The following ZBTB20 variants were observed in gnomAD, a reference collection of about 807,000 sequenced individuals.
ZBTB20 encodes zinc finger and BTB domain-containing protein 20.
ZBTB20 carries 9 observed loss-of-function variants against 56.9 expected under a neutral mutation model. That is an observed-to-expected ratio of 0.16 (90% confidence interval 0.10 to 0.28). The LOEUF is 0.28. ZBTB20 is among the 10% of genes least tolerant of loss of function. The pLI, the probability that ZBTB20 is intolerant of heterozygous loss-of-function variation, is 1.00. For missense variants in ZBTB20, 655 were observed against 1,003.0 expected (o/e 0.65, Z 4.69); for synonymous variants, 417 against 420.7 (o/e 0.99, Z 0.11).
At chr3:115,101,074 T>C (rs2083566458) in intron 1 of ZBTB20, among the ~76,000 whole-genome samples, 1 of 152,362 alleles carries the variant, frequency 6.6e-6, no homozygotes, top group East Asian at 1.9e-4. Context: ...TGGCTTCTCA[T>C]TTAAAGCATC....
intron 6 of ZBTB20, among the ~76,000 whole-genome samples, chr3:114,575,523 C>T (rs1435213499): frequency 6.6e-6 from 1 of 151,578 alleles, no homozygotes; most frequent in Non-Finnish European, 1.5e-5. Flanking sequence ...ATCCAATTTT[C>T]CCAGCAAATT....
In ZBTB20 at chr3:114,918,898, G is replaced by C. The variant is rs879517589; in HGVS notation, c.-455-18556C>G. Among the ~76,000 whole-genome samples the C allele has an allele frequency of 5.9e-5, 9 of 152,318 alleles. No individual in the cohort carries two copies. The East Asian group carries it at 1.5e-3, about 26-fold the overall frequency. On this transcript the variant is annotated intron_variant, in intron 3 of 11. Transcript: ENST00000675478. ...TGTCTCACTAGGTCATATGACCCCT[G>C]CATCCACTGGCTCCAAGCCTAGCAG...
intron 5 of ZBTB20, among the ~76,000 whole-genome samples, chr3:114,705,134 T>C (rs926250259): frequency 4.6e-5 from 7 of 152,154 alleles, no homozygotes; most frequent in Non-Finnish European, 8.8e-5. Context: ...AAGACCCATG[T>C]TTTTCTCACT....
chr3:115,012,198 G>A (rs897840803), intron 2 of ZBTB20, among the ~76,000 whole-genome samples: 3 of 151,624 alleles, frequency 2.0e-5, no homozygotes, highest in African/African-American at 7.2e-5. Flanking sequence ...AAAATGGCGG[G>A]AGTAAGTTCT....
chr3:114,464,281 T>C (rs1218875920), intron 7 of ZBTB20, among the ~76,000 whole-genome samples: 1 of 152,250 alleles, frequency 6.6e-6, no homozygotes, highest in Admixed American at 6.5e-5. Flanking sequence ...AAAAAACATA[T>C]ACATTGGGCC....
At chr3:114,927,293 G>A (rs1000819242) in intron 3 of ZBTB20, among the ~76,000 whole-genome samples, 2 of 152,098 alleles carry the variant, frequency 1.3e-5, no homozygotes, top group African/African-American at 4.8e-5. Flanking sequence ...CTTACGAACC[G>A]AACCAATGTT....
At chr3:114,737,760 T>C (rs142636793) in intron 5 of ZBTB20, among the ~76,000 whole-genome samples, 5 of 152,206 alleles carry the variant, frequency 3.3e-5, no homozygotes, top group Admixed American at 3.3e-4. Context: ...AAGACATGGG[T>C]AGAAATATTT....
chr3:114,722,386 C>T (rs1179879290), intron 5 of ZBTB20, among the ~76,000 whole-genome samples: 1 of 152,090 alleles, frequency 6.6e-6, no homozygotes, highest in Non-Finnish European at 1.5e-5. Flanking sequence ...AAATCTGCAA[C>T]CCCTTTCTCT....
chr3:114,416,048 T>C (rs748470962), intron 7 of ZBTB20, among the ~76,000 whole-genome samples: 4 of 152,082 alleles, frequency 2.6e-5, no homozygotes, highest in African/African-American at 9.7e-5. Flanking sequence ...TCTGCTTCCA[T>C]TGCAGTCACC....
chr3:114,930,001 A>G (rs1046523061), intron 3 of ZBTB20, among the ~76,000 whole-genome samples: 1 of 152,256 alleles, frequency 6.6e-6, no homozygotes, highest in Non-Finnish European at 1.5e-5. Context: ...AATGAATAAG[A>G]GTACAACAGA....
intron 4 of ZBTB20, among the ~76,000 whole-genome samples, chr3:114,812,147 T>C (rs1386543965): frequency 6.6e-6 from 1 of 152,148 alleles, no homozygotes; most frequent in Admixed American, 6.5e-5. Context: ...TTCCACAGTG[T>C]GGAAGTGGAC....
rs949840865 is a variant in ZBTB20, at chr3:114,543,268, GT to G, written c.-294-42878del. Among the ~76,000 whole-genome samples, 44 of 143,066 alleles carry G rather than the reference GT, an allele frequency of 3.1e-4. No homozygotes were observed. The South Asian group carries it at 8.6e-3, about 28-fold the overall frequency. 93.9% of individuals were successfully genotyped at this position (143,066 alleles called of 152,430 possible). On this transcript the variant is annotated intron_variant, in intron 6 of 11. Transcript: ENST00000675478. Reference sequence around the variant, plus strand: ...TTTTGGTATATTGTTATTTTTTATTGTTTTTTTTCCAAATATTTTTGATGTG... The same window carrying G: ...TTTTGGTATATTGTTATTTTTTATTGTTTTTTTCCAAATATTTTTGATGTG...
intron 6 of ZBTB20, among the ~76,000 whole-genome samples, chr3:114,604,593 G>A (rs2222366): frequency 6.6e-6 from 1 of 151,870 alleles, no homozygotes; most frequent in Non-Finnish European, 1.5e-5. Context: ...GAACAGCATA[G>A]CAATGATAAA....
chr3:114,608,917 T>G (rs1308333072), intron 6 of ZBTB20, among the ~76,000 whole-genome samples: 3 of 152,210 alleles, frequency 2.0e-5, no homozygotes, highest in Admixed American at 1.3e-4. Flanking sequence ...ATAATGATTT[T>G]TAAAAAGTAA....
intron 6 of ZBTB20, among the ~76,000 whole-genome samples, chr3:114,650,756 C>A (rs1435324579): frequency 6.6e-6 from 1 of 151,790 alleles, no homozygotes; most frequent in Non-Finnish European, 1.5e-5. Context: ...CCATTATATT[C>A]CTCTGTGCTA....
intron 7 of ZBTB20, among the ~76,000 whole-genome samples, chr3:114,458,888 T>C (rs1266302914): frequency 6.6e-6 from 1 of 152,194 alleles, no homozygotes; most frequent in Admixed American, 6.5e-5. Context: ...TTTGAAATAC[T>C]GTGCCTGCAT....
rs754685839 is a variant in ZBTB20, at chr3:114,325,552, T to C, written c.*13453A>G. ...AATCTTTAATCACAAAGAAGTATAG[T>C]TAACTTACTAATTCTTTGAATTGTA... On this transcript the variant is annotated 3_prime_UTR_variant, in exon 12 of 12. Transcript: ENST00000675478. 1.4e-4 allele frequency: 21 copies of C among 152,184 alleles called. No individual in the cohort carries two copies. Among genetic ancestry groups the C allele is most frequent in the Non-Finnish European group, 2.6e-4 (18 of 68,028 alleles). 9.4% of individuals were successfully genotyped at this position (152,184 alleles called of 1,614,324 possible). A position where few individuals can be genotyped will look rare whatever the true frequency, so the allele number is the denominator to read the frequency against.
At chr3:114,760,679 A>G (rs1485698195) in intron 5 of ZBTB20, among the ~76,000 whole-genome samples, 1 of 152,220 alleles carries the variant, frequency 6.6e-6, no homozygotes, top group Non-Finnish European at 1.5e-5. Flanking sequence ...AAAAGCATGC[A>G]GCATCTCTAG....
chr3:114,519,083 T>C (rs1323618448), intron 6 of ZBTB20: 2 of 152,202 alleles, frequency 1.3e-5, no homozygotes, highest in African/African-American at 4.8e-5. Flanking sequence ...AAAAGCCTCA[T>C]TGCTTCATCC....
Sources: gnomAD v4.1 joint callset for allele counts (sites outside exome capture counted in the v4.1 genomes callset) on GRCh38, gnomAD v4.1.1 for gene constraint, MANE v1.5 for transcripts, NCBI Gene and HGNC (gene_info 2026-07-23, HGNC 2026-07-21) for gene names.